The following GRM8 variants were observed in gnomAD, a reference collection of about 807,000 sequenced individuals.
The protein encoded by GRM8 is metabotropic glutamate receptor 8.
Under a neutral mutation model 87.2 loss-of-function variants are expected in GRM8, and 47 were observed. That is an observed-to-expected ratio of 0.54 (90% confidence interval 0.43 to 0.69). The LOEUF is 0.69. Among genes scored for constraint, GRM8 ranks in the 30% least tolerant of loss-of-function variants. GRM8 has a pLI of 0.00. For synonymous variants in GRM8, 396 were observed against 404.5 expected (o/e 0.98, Z 0.25); for missense variants, 1,019 against 1,139.2 (o/e 0.89, Z 1.52).
At chr7:126,852,789 T>C (rs1481291522) in intron 6 of GRM8, among the ~76,000 whole-genome samples, 1 of 152,136 alleles carries the variant, frequency 6.6e-6, no homozygotes, top group Non-Finnish European at 1.5e-5. Flanking sequence ...CATATATTTA[T>C]ATTTATTTCT....
rs77170303 is a variant in GRM8 at position 126,550,908 on chromosome 7, C to T, written c.1495-17021G>A. ...GCCAGTTGAAATTACAGATACCTGG[C>T]AAGTCTAATTGAGGGAGAAAAAAAA... On this transcript the variant is annotated intron_variant, in intron 8 of 10. Coordinates refer to ENST00000339582, the MANE Select transcript of GRM8 (RefSeq NM_000845.3). 3.5e-3 allele frequency among the ~76,000 whole-genome samples: 529 copies of T among 150,656 alleles called. 11 individuals are homozygous for T. In the South Asian group the frequency reaches 0.042, roughly 12 times the overall value.
At chr7:127,041,029 C>A (rs1281634018) in intron 3 of GRM8, among the ~76,000 whole-genome samples, 12 of 152,166 alleles carry the variant, frequency 7.9e-5, no homozygotes, top group Non-Finnish European at 2.9e-5. Flanking sequence ...TAAATAATGG[C>A]AAACGCATTG....
intron 2 of GRM8, among the ~76,000 whole-genome samples, chr7:127,171,861 C>T (rs1213010852): frequency 6.6e-6 from 1 of 152,154 alleles, no homozygotes; most frequent in Non-Finnish European, 1.5e-5. Flanking sequence ...AGTTATACAG[C>T]TGACTCCAGA....
intron 7 of GRM8, among the ~76,000 whole-genome samples, chr7:126,709,260 C>T (rs933614841): frequency 2.6e-5 from 4 of 151,978 alleles, no homozygotes; most frequent in African/African-American, 4.8e-5. Flanking sequence ...AAGATAGCTG[C>T]TATGAAAAAG....
chr7:126,594,515 CAT>C (rs901466604), intron 8 of GRM8, among the ~76,000 whole-genome samples: 17 of 151,940 alleles, frequency 1.1e-4, no homozygotes, highest in African/African-American at 4.1e-4. Context: ...TTATCTCACT[CAT>C]ATATGGAATC....
intron 7 of GRM8, among the ~76,000 whole-genome samples, chr7:126,649,535 C>T (rs1481099292): frequency 6.6e-6 from 1 of 152,058 alleles, no homozygotes. Flanking sequence ...AATAAACTGT[C>T]TTTTATATAT....
At chr7:127,225,845 T>A (rs1797288435) in intron 2 of GRM8, among the ~76,000 whole-genome samples, 1 of 151,972 alleles carries the variant, frequency 6.6e-6, no homozygotes, top group Non-Finnish European at 1.5e-5. Context: ...CACAGTCTTG[T>A]AGTAAACCGT....
At chr7:126,452,292 G>A (rs1201883673) in intron 9 of GRM8, among the ~76,000 whole-genome samples, 1 of 130,778 alleles carries the variant, frequency 7.6e-6, no homozygotes, top group Non-Finnish European at 1.6e-5. Flanking sequence ...TGTGGGGTGG[G>A]GGGAGGGGGG....
intron 7 of GRM8, among the ~76,000 whole-genome samples, chr7:126,671,093 T>G (rs1260749241): frequency 6.6e-6 from 1 of 152,224 alleles, no homozygotes; most frequent in African/African-American, 2.4e-5. Flanking sequence ...AATCTTGACT[T>G]GCAGAGCCAA....
At chr7:126,701,686 T>A in intron 7 of GRM8, 2 of 514,916 alleles carry the variant, frequency 3.9e-6, no homozygotes, top group South Asian at 1.6e-5. Context: ...TGTGAGAATT[T>A]TTTTTTAGTT....
At chr7:126,923,753 T>C (rs954303845) in intron 3 of GRM8, among the ~76,000 whole-genome samples, 2 of 152,102 alleles carry the variant, frequency 1.3e-5, no homozygotes, top group Non-Finnish European at 2.9e-5. Context: ...TAGTGTTTCA[T>C]AAGAAAAGAG....
intron 9 of GRM8, among the ~76,000 whole-genome samples, chr7:126,458,670 G>C (rs1803543037): frequency 6.6e-6 from 1 of 150,922 alleles, no homozygotes; most frequent in African/African-American, 2.4e-5. Flanking sequence ...GCTTCACAGA[G>C]ATCAATTATG....
intron 3 of GRM8, among the ~76,000 whole-genome samples, chr7:127,094,086 T>TA (rs1031635047): frequency 1.3e-5 from 2 of 152,334 alleles, no homozygotes; most frequent in South Asian, 2.1e-4. Context: ...TTAAGGCCTA[T>TA]AAAAAATGAC....
intron 3 of GRM8, among the ~76,000 whole-genome samples, chr7:127,094,840 C>A (rs17866035): frequency 6.6e-6 from 1 of 152,164 alleles, no homozygotes; most frequent in African/African-American, 2.4e-5. Context: ...AGCATTTGTA[C>A]GGGAATCTCT....
At chr7:127,049,495 T>C (rs1819256886) in intron 3 of GRM8, among the ~76,000 whole-genome samples, 1 of 152,120 alleles carries the variant, frequency 6.6e-6, no homozygotes, top group Non-Finnish European at 1.5e-5. Context: ...GGAAATGCAG[T>C]CAATAATTTA....
At chr7:126,626,830 G>A (rs1296158707) in intron 7 of GRM8, among the ~76,000 whole-genome samples, 1 of 151,928 alleles carries the variant, frequency 6.6e-6, no homozygotes, top group Non-Finnish European at 1.5e-5. Context: ...AACCAGCCTG[G>A]GCAACAAAGT....
At chr7:126,602,542 G>A (rs200638055) in intron 8 of GRM8, among the ~76,000 whole-genome samples, 33,912 of 129,290 alleles carry the variant, frequency 0.26, 4,973 homozygotes, top group East Asian at 0.36. Flanking sequence ...CATTTTCACC[G>A]TATTGATTCT....
chr7:127,022,789 T>A (rs1199711030), intron 3 of GRM8, among the ~76,000 whole-genome samples: 1 of 152,132 alleles, frequency 6.6e-6, no homozygotes, highest in Non-Finnish European at 1.5e-5. Flanking sequence ...CACCTAAATT[T>A]TACAGCTTTT....
At chr7:126,995,228 T>C (rs1813064625) in intron 3 of GRM8, among the ~76,000 whole-genome samples, 1 of 152,170 alleles carries the variant, frequency 6.6e-6, no homozygotes, top group Non-Finnish European at 1.5e-5. Context: ...CCAAGAAGAA[T>C]GAGCATAGAG....
Sources: gnomAD v4.1 joint callset for allele counts (sites outside exome capture counted in the v4.1 genomes callset) on GRCh38, gnomAD v4.1.1 for gene constraint, MANE v1.5 for transcripts, NCBI Gene and HGNC (gene_info 2026-07-23, HGNC 2026-07-21) for gene names.